Variants in PHLDB2 observed in about 807,000 individuals in gnomAD.
PHLDB2 encodes the protein pleckstrin homology like domain family B member 2.
Under a neutral mutation model 123.6 loss-of-function variants are expected in PHLDB2, and 71 were observed. The ratio of observed to expected loss-of-function variants is 0.57; its 90% CI spans 0.47 to 0.70. The LOEUF (loss-of-function observed/expected upper bound fraction) is 0.70, where lower values mean the gene tolerates loss of function less well. PHLDB2 is among the 30% of genes least tolerant of loss of function. PHLDB2 has a pLI of 0.00. For synonymous variants in PHLDB2, 547 were observed against 541.6 expected (o/e 1.01, Z -0.14); for missense variants, 1,446 against 1,519.5 (o/e 0.95, Z 0.80).
intron 1 of PHLDB2, among the ~76,000 whole-genome samples, chr3:111,797,085 A>C (rs948241580): frequency 6.6e-6 from 1 of 152,214 alleles, no homozygotes; most frequent in Non-Finnish European, 1.5e-5. Flanking sequence ...TGTCTTAGCT[A>C]AATGTGATCT....
At chr3:111,827,077 G>T (rs1445064265) in intron 1 of PHLDB2, among the ~76,000 whole-genome samples, 1 of 152,172 alleles carries the variant, frequency 6.6e-6, no homozygotes, top group Non-Finnish European at 1.5e-5. Context: ...AAAAACAGAG[G>T]TGCTACTAAG....
chr3:111,873,579 A>G (rs762237702), intron 1 of PHLDB2, among the ~76,000 whole-genome samples: 3 of 152,174 alleles, frequency 2.0e-5, no homozygotes, highest in Admixed American at 1.3e-4. Flanking sequence ...TGTAGGAGTA[A>G]ATATTTAAAA....
At chr3:111,751,271 A>G (rs187802990) in intron 1 of PHLDB2, among the ~76,000 whole-genome samples, 11 of 152,070 alleles carry the variant, frequency 7.2e-5, no homozygotes, top group Admixed American at 2.6e-4. Flanking sequence ...GCCAGGGCCA[A>G]AGGGCTATGG....
At chr3:111,738,903 C>G (rs980071669) in intron 1 of PHLDB2, among the ~76,000 whole-genome samples, 5 of 152,172 alleles carry the variant, frequency 3.3e-5, no homozygotes, top group African/African-American at 1.2e-4. Flanking sequence ...CAACCCCCAA[C>G]TGAATGGTAC....
intron 14 of PHLDB2, 92 bp from the exon 15 acceptor site, chr3:111,967,586 G>C (rs2071861039): frequency 7.5e-7 from 1 of 1,325,492 alleles, no homozygotes; most frequent in African/African-American, 1.5e-5. Context: ...ACCAAGATTT[G>C]TCTAGTAAGA....
At chr3:111,972,575 A>ATGTTTTCTATTC (rs67759225) in intron 16 of PHLDB2, among the ~76,000 whole-genome samples, 2 of 147,800 alleles carry the variant, frequency 1.4e-5, no homozygotes, top group African/African-American at 2.4e-5. Flanking sequence ...ATTCACTTCT[A>ATGTTTTCTATTC]TATATGTTTC....
intron 6 of PHLDB2, among the ~76,000 whole-genome samples, chr3:111,935,503 A>ATAGAT (rs1041214235): frequency 8.9e-6 from 1 of 112,236 alleles, no homozygotes; most frequent in African/African-American, 2.9e-5. Context: ...TGTATATAAG[A>ATAGAT]TAGATAGATA....
intron 16 of PHLDB2, among the ~76,000 whole-genome samples, chr3:111,970,598 A>C (rs867828871): frequency 9.2e-5 from 14 of 152,344 alleles, no homozygotes; most frequent in Middle Eastern, 6.8e-3. Flanking sequence ...GACAAGAAAC[A>C]TACCCTACCA....
intron 1 of PHLDB2, among the ~76,000 whole-genome samples, chr3:111,756,742 C>T (rs62273776): frequency 6.7e-6 from 1 of 149,786 alleles, no homozygotes; most frequent in Admixed American, 6.7e-5. Context: ...TCTTCCTAGC[C>T]TCGATGGTCT....
At chr3:111,834,183 AT>A (rs2063248451) in intron 1 of PHLDB2, among the ~76,000 whole-genome samples, 5 of 107,390 alleles carry the variant, frequency 4.7e-5, no homozygotes, top group Non-Finnish European at 6.9e-5. Flanking sequence ...AATTATATAT[AT>A]TATATATGTA....
At chr3:111,960,095 TGTTG>T in intron 12 of PHLDB2, 1 of 663,370 alleles carries the variant, frequency 1.5e-6, no homozygotes, top group Non-Finnish European at 1.9e-6. Context: ...AAATAATTTC[TGTTG>T]TTTTTTTGTC....
chr3:111,958,813 G>A (rs986592636), intron 12 of PHLDB2: 6 of 435,910 alleles, frequency 1.4e-5, no homozygotes, highest in African/African-American at 1.0e-4. Flanking sequence ...CAGGGGTTGG[G>A]AAAGTCTCAT....
At chr3:111,775,062 T>C (rs1576559056) in intron 1 of PHLDB2, among the ~76,000 whole-genome samples, 1 of 152,176 alleles carries the variant, frequency 6.6e-6, no homozygotes, top group African/African-American at 2.4e-5. Context: ...TTCCTAATAA[T>C]GAGATAATAA....
chr3:111,944,056 A>G (rs1436643959), intron 8 of PHLDB2, among the ~76,000 whole-genome samples: 1 of 152,256 alleles, frequency 6.6e-6, no homozygotes, highest in Non-Finnish European at 1.5e-5. Flanking sequence ...TCAACAATAA[A>G]AAACAGTGAA....
chr3:111,952,135 C>CTGTTTACT (rs76871557), intron 10 of PHLDB2, among the ~76,000 whole-genome samples: 33,436 of 151,898 alleles, frequency 0.22, 4,007 homozygotes, highest in Middle Eastern at 0.34. Context: ...AACAACTTCC[C>CTGTTTACT]TGTTTACTCG....
At chr3:111,844,139 C>T (rs1000987045) in intron 1 of PHLDB2, among the ~76,000 whole-genome samples, 1 of 152,174 alleles carries the variant, frequency 6.6e-6, no homozygotes, top group South Asian at 2.1e-4. Flanking sequence ...TCTCTATTCT[C>T]CCAGGACATT....
At chr3:111,858,989 A>G (rs9883806), upstream of PHLDB2, among the ~76,000 whole-genome samples, 1 of 152,018 alleles carries the variant, frequency 6.6e-6, no homozygotes, top group South Asian at 2.1e-4. Context: ...GGGAAAATAT[A>G]AAAACTTTCA....
chr3:111,854,772 C>G (rs2064406935), upstream of PHLDB2, among the ~76,000 whole-genome samples: 1 of 152,192 alleles, frequency 6.6e-6, no homozygotes, highest in African/African-American at 2.4e-5. Flanking sequence ...AGTCCAGTTT[C>G]TCAGAAAGAA....
rs538076585 is a variant in PHLDB2 at position 111,802,161 on chromosome 3, C to A, written c.-48-43660C>A. 1.8e-4 allele frequency among the ~76,000 whole-genome samples: 27 copies of A among 152,300 alleles called. No individual in the cohort carries two copies. The South Asian group carries it at 4.6e-3, about 26-fold the overall frequency. ...TTTGGCTCCTAGTTCAGGCTTTCTC[C>A]AGTCTATCAAGCTACTGCACAGAAA... On this transcript the variant is annotated intron_variant, in intron 1 of 17. Transcript: ENST00000393923.
Sources: gnomAD v4.1 joint callset for allele counts (sites outside exome capture counted in the v4.1 genomes callset) on GRCh38, gnomAD v4.1.1 for gene constraint, MANE v1.5 for transcripts, NCBI Gene and HGNC (gene_info 2026-07-23, HGNC 2026-07-21) for gene names.